The following LCORL variants were observed in gnomAD, a reference collection of about 807,000 sequenced individuals.
LCORL encodes ligand-dependent nuclear receptor corepressor-like protein.
Under a neutral mutation model 141.8 loss-of-function variants are expected in LCORL, and 41 were observed. The observed-to-expected ratio is 0.29, with a 90% confidence interval of 0.23 to 0.38. LCORL has a LOEUF of 0.38. Among genes scored for constraint, LCORL ranks in the 10% least tolerant of loss-of-function variants. LCORL has a pLI of 1.00. For missense variants in LCORL, 1,759 were observed against 2,035.0 expected (o/e 0.86, Z 2.61); for synonymous variants, 618 against 694.1 (o/e 0.89, Z 1.72).
At chr4:17,900,187 A>T (rs1381782445) in intron 5 of LCORL, among the ~76,000 whole-genome samples, 2 of 152,094 alleles carry the variant, frequency 1.3e-5, no homozygotes, top group Admixed American at 6.6e-5. Flanking sequence ...TGCACTTTTT[A>T]AAAAAATGAC....
intron 7 of LCORL, among the ~76,000 whole-genome samples, chr4:17,868,998 T>C (rs1726012010): frequency 6.6e-6 from 1 of 151,902 alleles, no homozygotes; most frequent in East Asian, 1.9e-4. Flanking sequence ...CTCAGGATTC[T>C]GCCCACAAAT....
At chr4:17,877,829 T>A in exon 7 of LCORL, 1 of 1,230,720 alleles carries the variant, frequency 8.1e-7, no homozygotes, top group Non-Finnish European at 1.0e-6. Flanking sequence ...CTGCAATTCC[T>A]CTATTCACTA....
At chr4:17,972,796 T>G in intron 2 of LCORL, 24 bp downstream of exon 2, 4 of 1,299,052 alleles carry the variant, frequency 3.1e-6, no homozygotes, top group Non-Finnish European at 4.1e-6. Context: ...AATGACAACT[T>G]TTAAATAAAA....
intron 4 of LCORL, among the ~76,000 whole-genome samples, chr4:17,917,642 A>G (rs1009406069): frequency 1.3e-5 from 2 of 152,270 alleles, no homozygotes; most frequent in East Asian, 3.8e-4. Flanking sequence ...AGATTAAATC[A>G]GGAAAACAGC....
chr4:17,881,629 T>C (rs1423086857), intron 6 of LCORL: 3 of 978,704 alleles, frequency 3.1e-6, no homozygotes, highest in Non-Finnish European at 3.6e-6. Flanking sequence ...GGTCAGGTCA[T>C]CTTTTAAATG....
At chr4:17,914,552 G>C (rs977256165) in intron 4 of LCORL, among the ~76,000 whole-genome samples, 4 of 152,192 alleles carry the variant, frequency 2.6e-5, no homozygotes, top group Non-Finnish European at 5.9e-5. Context: ...AAGAGAGGGA[G>C]CAAAACAGAC....
chr4:18,006,166 C>T (rs1722771856), intron 1 of LCORL, among the ~76,000 whole-genome samples: 1 of 152,142 alleles, frequency 6.6e-6, no homozygotes, highest in African/African-American at 2.4e-5. Context: ...CAAAGTTCCA[C>T]ACATCTGTAT....
chr4:17,922,059 T>C (rs1560346542), intron 4 of LCORL, among the ~76,000 whole-genome samples: 1 of 152,182 alleles, frequency 6.6e-6, no homozygotes, highest in East Asian at 1.9e-4. Flanking sequence ...GCTGGCTTCC[T>C]TACTCTGCAG....
intron 1 of LCORL, among the ~76,000 whole-genome samples, chr4:18,018,007 T>C (rs1724881377): frequency 6.6e-6 from 1 of 152,072 alleles, no homozygotes; most frequent in African/African-American, 2.4e-5. Context: ...CACAGCAAAA[T>C]GTAAAACAAC....
chr4:17,946,609 A>T (rs1419067694), intron 4 of LCORL, among the ~76,000 whole-genome samples: 1 of 151,960 alleles, frequency 6.6e-6, no homozygotes, highest in Non-Finnish European at 1.5e-5. Context: ...ATTTACTAAG[A>T]TCAGTACTCT....
chr4:17,980,293 T>C (rs906599813), intron 1 of LCORL, among the ~76,000 whole-genome samples: 2 of 152,244 alleles, frequency 1.3e-5, no homozygotes, highest in Admixed American at 1.3e-4. Flanking sequence ...ATATTTGATA[T>C]TCTTCTACCT....
chr4:17,964,538 C>A (rs1403926023), intron 2 of LCORL, among the ~76,000 whole-genome samples: 1 of 151,972 alleles, frequency 6.6e-6, no homozygotes, highest in Non-Finnish European at 1.5e-5. Flanking sequence ...AACTGGTCAC[C>A]TTCTGTAAAA....
chr4:17,905,563 T>C (rs1027831909), intron 5 of LCORL, among the ~76,000 whole-genome samples: 5 of 151,814 alleles, frequency 3.3e-5, no homozygotes, highest in East Asian at 3.9e-4. Context: ...TTTGAAACAG[T>C]AGAAAAAAAG....
At chr4:17,914,649 G>T (rs1038482045) in intron 4 of LCORL, among the ~76,000 whole-genome samples, 2 of 152,150 alleles carry the variant, frequency 1.3e-5, no homozygotes, top group Admixed American at 1.3e-4. Context: ...CTACAAAAAA[G>T]CAAATAACTG....
At chr4:17,848,708 G>A (rs978971664) in intron 7 of LCORL, among the ~76,000 whole-genome samples, 8 of 152,288 alleles carry the variant, frequency 5.3e-5, no homozygotes, top group East Asian at 3.9e-4. Context: ...CACCGTGTGC[G>A]AGCCGAAGCA....
chr4:18,019,785 T>C (rs981028163), intron 1 of LCORL, among the ~76,000 whole-genome samples: 3 of 152,228 alleles, frequency 2.0e-5, no homozygotes, highest in Non-Finnish European at 4.4e-5. Flanking sequence ...AAGCCAGTGT[T>C]GCAATGCTGT....
chr4:17,965,609 T>G lies in LCORL; in HGVS notation c.221-2560A>C, dbSNP rs376182864. Reference sequence around the variant, plus strand: ...TTTCCACCATGGATATATACTCTTATAGTTAAAATCTGGCTTGAATCATTT... The same window carrying G: ...TTTCCACCATGGATATATACTCTTAGAGTTAAAATCTGGCTTGAATCATTT... On this transcript the variant is annotated intron_variant, in intron 2 of 7. Transcript: ENST00000635767. Among the ~76,000 whole-genome samples, 321 of 152,274 alleles carry G rather than the reference T, an allele frequency of 2.1e-3. 18 individuals are homozygous for G. In the South Asian group the frequency reaches 0.062, roughly 30 times the overall value.
intron 1 of LCORL, among the ~76,000 whole-genome samples, chr4:18,020,994 GC>G (rs976427133): frequency 6.6e-6 from 1 of 152,038 alleles, no homozygotes; most frequent in African/African-American, 2.4e-5. Context: ...AGAGTTGGGC[GC>G]CCCCCGCCCC....
rs777450219 is a variant in LCORL, at chr4:17,884,368, T to C, written c.776+1700A>G. The C allele has an allele frequency of 1.6e-5, 25 of 1,546,720 alleles. No homozygotes were observed. In the South Asian group the frequency reaches 2.5e-4, roughly 16 times the overall value. ...CTTTAAACTGAGTGACCATTTTCTG[T>C]AGAGTTAGCTGATGGAGGTAAGTGG... On this transcript the variant is annotated intron_variant, in intron 6 of 7. Coordinates refer to ENST00000635767, the Ensembl canonical transcript of LCORL. This position sits in a 1 kb window ranked among gnomAD's most constrained non-coding sequence, Gnocchi z 4.4.
Sources: gnomAD v4.1 joint callset for allele counts (sites outside exome capture counted in the v4.1 genomes callset) on GRCh38, gnomAD v4.1.1 for gene constraint, Gnocchi (gnomAD v3.1) non-coding constraint, MANE v1.5 for transcripts, NCBI Gene and HGNC (gene_info 2026-07-23, HGNC 2026-07-21) for gene names.